Variants in NRCAM observed in about 807,000 individuals in gnomAD.
The protein encoded by NRCAM is NgCAM-related cell adhesion molecule.
In NRCAM, 83 loss-of-function variants were observed where a neutral mutation model predicts 156.5. The ratio of observed to expected loss-of-function variants is 0.53; its 90% CI spans 0.44 to 0.64. The LOEUF is 0.64. NRCAM is among the 30% of genes least tolerant of loss of function. The pLI is 0.00. For synonymous variants in NRCAM, 538 were observed against 563.9 expected (o/e 0.95, Z 0.65); for missense variants, 1,417 against 1,597.3 (o/e 0.89, Z 1.92).
At chr7:108,454,325 G>A (rs903821459) in intron 1 of NRCAM, among the ~76,000 whole-genome samples, 3 of 152,106 alleles carry the variant, frequency 2.0e-5, no homozygotes, top group African/African-American at 7.2e-5. Context: ...AAACTGATAA[G>A]CCTCCAAAAG....
intron 2 of NRCAM, among the ~76,000 whole-genome samples, chr7:108,316,862 C>CT (rs767802742): frequency 7.9e-5 from 12 of 152,018 alleles, no homozygotes; most frequent in Non-Finnish European, 5.9e-5. Flanking sequence ...GTCATGCCCT[C>CT]TCTCTGTCAT....
At chr7:108,364,065 C>A (rs913125032) in intron 2 of NRCAM, among the ~76,000 whole-genome samples, 11 of 151,960 alleles carry the variant, frequency 7.2e-5, no homozygotes, top group Non-Finnish European at 1.5e-5. Flanking sequence ...ACAAATATAC[C>A]AGCCAAATGC....
intron 1 of NRCAM, among the ~76,000 whole-genome samples, chr7:108,444,226 C>T (rs190173220): frequency 3.2e-4 from 49 of 152,038 alleles, no homozygotes; most frequent in African/African-American, 1.1e-3. Context: ...AATACTACAC[C>T]GTTTTATATC....
intron 3 of NRCAM, among the ~76,000 whole-genome samples, chr7:108,279,993 C>A (rs1202981733): frequency 6.6e-6 from 1 of 152,184 alleles, no homozygotes; most frequent in Non-Finnish European, 1.5e-5. Flanking sequence ...CCCACATGTT[C>A]AGCTGCACAC....
rs1185666805 is a variant in NRCAM, at chr7:108,148,960, T to C, written c.*950A>G. On this transcript the variant is annotated 3_prime_UTR_variant, in exon 33 of 33. Coordinates refer to ENST00000379028, the MANE Select transcript of NRCAM (RefSeq NM_001037132.4). ...TCTTTTCCCAGCATTGCAGTTTTCA[T>C]GAACTCTGCTTTTTAAAAGTTACTT... The C allele has an allele frequency of 3.9e-5, 6 of 152,592 alleles. No homozygotes were observed. The allele number at this position is 152,592 out of a possible 1,614,324, so 9.5% of individuals were successfully genotyped here.
intron 1 of NRCAM, among the ~76,000 whole-genome samples, chr7:108,416,074 C>T (rs771370305): frequency 6.6e-6 from 1 of 152,214 alleles, no homozygotes; most frequent in Non-Finnish European, 1.5e-5. Flanking sequence ...TCACTTGCTT[C>T]TTCCAGTCCA....
intron 13 of NRCAM, among the ~76,000 whole-genome samples, chr7:108,205,950 G>A (rs772873210): frequency 1.3e-5 from 2 of 152,112 alleles, no homozygotes; most frequent in African/African-American, 4.8e-5. Context: ...ATTCCCCTGA[G>A]AGTAGCAAGA....
At chr7:108,288,156 T>C (rs1056725837) in intron 3 of NRCAM, among the ~76,000 whole-genome samples, 13 of 152,160 alleles carry the variant, frequency 8.5e-5, no homozygotes, top group African/African-American at 1.2e-4. Context: ...AAACACCACA[T>C]GTTCTTACTT....
At chr7:108,190,993 G>C (rs1369525278) in intron 19 of NRCAM, among the ~76,000 whole-genome samples, 1 of 152,174 alleles carries the variant, frequency 6.6e-6, no homozygotes, top group Non-Finnish European at 1.5e-5. Flanking sequence ...GCATCAAAGA[G>C]GGACTTTTAT....
chr7:108,376,605 C>A (rs1315649556), intron 2 of NRCAM, among the ~76,000 whole-genome samples: 1 of 152,080 alleles, frequency 6.6e-6, no homozygotes, highest in African/African-American at 2.4e-5. Context: ...ATCTGTAAAC[C>A]ATGCTGGGGT....
At chr7:108,443,893 T>TAG (rs1303588994) in intron 1 of NRCAM, among the ~76,000 whole-genome samples, 5 of 143,362 alleles carry the variant, frequency 3.5e-5, no homozygotes, top group Admixed American at 7.0e-5. Flanking sequence ...GATAGATAGA[T>TAG]ACATACATAC....
At chr7:108,356,483 T>C (rs1020735488) in intron 2 of NRCAM, among the ~76,000 whole-genome samples, 1 of 152,234 alleles carries the variant, frequency 6.6e-6, no homozygotes, top group Non-Finnish European at 1.5e-5. Flanking sequence ...AGGGGGCTAC[T>C]GTATACCTTT....
intron 2 of NRCAM, among the ~76,000 whole-genome samples, chr7:108,380,479 T>TGTC (rs1640273635): frequency 6.6e-6 from 1 of 152,242 alleles, no homozygotes; most frequent in Non-Finnish European, 1.5e-5. Flanking sequence ...AAGTCTTAAA[T>TGTC]GTCCCTTTTT....
chr7:108,244,704 GA>G (rs984256451), intron 3 of NRCAM, among the ~76,000 whole-genome samples: 12 of 152,270 alleles, frequency 7.9e-5, no homozygotes, highest in Middle Eastern at 3.4e-3. Flanking sequence ...AAGCTTTAAG[GA>G]CCACGTTTCT....
intron 2 of NRCAM, among the ~76,000 whole-genome samples, chr7:108,376,268 T>C (rs532480891): frequency 1.1e-4 from 16 of 152,246 alleles, no homozygotes; most frequent in African/African-American, 3.9e-4. Flanking sequence ...TGGCTGGGGT[T>C]CATCCATTTC....
chr7:108,170,814 AC>A (rs2058037090), intron 28 of NRCAM, among the ~76,000 whole-genome samples: 1 of 151,970 alleles, frequency 6.6e-6, no homozygotes, highest in African/African-American at 2.4e-5. Context: ...TACTTAGAGA[AC>A]GAGTGTAGAA....
chr7:108,293,310 C>G (rs1003757829), intron 3 of NRCAM, among the ~76,000 whole-genome samples: 4 of 152,148 alleles, frequency 2.6e-5, no homozygotes, highest in Admixed American at 6.6e-5. Flanking sequence ...TCTTTTCACT[C>G]CCCTCCTTTC....
In NRCAM at chr7:108,157,451, A is replaced by G. The variant is rs558355636; in HGVS notation, c.3677+2012T>C. ...AAAATTCTATTAAAGTTGTTAGTAG[A>G]TGGCTCATAGAAGAAAACAGAAATC... On this transcript the variant is annotated intron_variant, in intron 32 of 32. Coordinates refer to ENST00000379028, the MANE Select transcript of NRCAM (RefSeq NM_001037132.4). Among the ~76,000 whole-genome samples, 85 of 152,302 alleles carry G rather than the reference A, an allele frequency of 5.6e-4. 1 individual carries two copies. Among genetic ancestry groups the G allele is most frequent in the African/African-American group, 1.9e-3 (81 of 41,572 alleles).
chr7:108,187,108 T>C (rs183588754), intron 20 of NRCAM, among the ~76,000 whole-genome samples: 84 of 152,292 alleles, frequency 5.5e-4, no homozygotes, highest in Non-Finnish European at 1.1e-3. Flanking sequence ...TTGGGAACCA[T>C]GGTCTTACCC....
Sources: gnomAD v4.1 joint callset for allele counts (sites outside exome capture counted in the v4.1 genomes callset) on GRCh38, gnomAD v4.1.1 for gene constraint, MANE v1.5 for transcripts, NCBI Gene and HGNC (gene_info 2026-07-23, HGNC 2026-07-21) for gene names.